The following CCSER2 variants were observed in gnomAD, a reference collection of about 807,000 sequenced individuals.
CCSER2 encodes coiled-coil serine rich protein 2.
CCSER2 carries 46 observed loss-of-function variants against 92.3 expected under a neutral mutation model. That is an observed-to-expected ratio of 0.50 (90% CI 0.39 to 0.64). The LOEUF is 0.64. Among genes scored for constraint, CCSER2 ranks in the 30% least tolerant of loss-of-function variants. CCSER2 has a pLI of 0.00. For missense variants in CCSER2, 1,244 were observed against 1,238.9 expected (o/e 1.00, Z -0.06); for synonymous variants, 433 against 431.4 (o/e 1.00, Z -0.04).
At position 84,514,377 on chromosome 10, in the gene CCSER2, C is replaced by T; in HGVS notation, c.*110C>T. On this transcript the variant is annotated 3_prime_UTR_variant, in exon 10 of 10. Transcript: ENST00000372088. Reference sequence around the variant, plus strand: ...TGGTGGAGGTTCCATTGAAAGCCTGCAAATCTTAAATTAAAATGTGGAAGC... The same window carrying T: ...TGGTGGAGGTTCCATTGAAAGCCTGTAAATCTTAAATTAAAATGTGGAAGC... 6 of 757,950 alleles carry T rather than the reference C, an allele frequency of 7.9e-6. No individual in the cohort carries two copies. In the South Asian group the frequency reaches 9.9e-5, roughly 12 times the overall value. The allele number at this position is 757,950 out of a possible 1,614,324, so 47.0% of individuals were successfully genotyped here.
chr10:84,367,390 T>C (rs954971223), intron 1 of CCSER2, among the ~76,000 whole-genome samples: 1 of 152,026 alleles, frequency 6.6e-6, no homozygotes, highest in African/African-American at 2.4e-5. Flanking sequence ...TACTTTTTTT[T>C]TTTTGAAACA....
At chr10:84,406,639 G>T (rs553044026) in intron 3 of CCSER2, among the ~76,000 whole-genome samples, 3 of 152,220 alleles carry the variant, frequency 2.0e-5, no homozygotes, top group Admixed American at 1.3e-4. Context: ...ACATATTTGG[G>T]TTTTCATTGT....
chr10:84,420,819 G>T (rs1489127503), intron 4 of CCSER2, among the ~76,000 whole-genome samples: 2 of 151,736 alleles, frequency 1.3e-5, no homozygotes, highest in Non-Finnish European at 2.9e-5. Context: ...TGTAGTCTCA[G>T]TTACTTGGGA....
chr10:84,395,749 T>C lies in CCSER2; in HGVS notation c.1614+21934T>C, dbSNP rs138537339. Among the ~76,000 whole-genome samples, 171 of 152,308 alleles carry C rather than the reference T, an allele frequency of 1.1e-3. 1 individual carries two copies. The highest frequency in any genetic ancestry group is 3.9e-3 in the African/African-American group (163 of 41,572). ...TAGCATGATAACATTAGACCAACCA[T>C]TGGGAAACCCAGATTTCAGCCGTAG... On this transcript the variant is annotated intron_variant, in intron 3 of 9. Coordinates refer to ENST00000372088, the MANE Select transcript of CCSER2 (RefSeq NM_001284240.2).
chr10:84,375,268 T>C (rs1019203995), intron 3 of CCSER2, among the ~76,000 whole-genome samples: 1 of 152,160 alleles, frequency 6.6e-6, no homozygotes, highest in African/African-American at 2.4e-5. Flanking sequence ...GTTTCCTCCT[T>C]GTTCAGTAGG....
intron 1 of CCSER2, among the ~76,000 whole-genome samples, chr10:84,339,890 G>A (rs1319699141): frequency 1.3e-5 from 2 of 151,816 alleles, no homozygotes; most frequent in Non-Finnish European, 1.5e-5. Context: ...CGCCCAGTCT[G>A]GAGTGCAAAG....
chr10:84,501,116 A>ATCTCCCACCACCTTGGTAACTCCTCCT (rs1031551296), intron 9 of CCSER2, among the ~76,000 whole-genome samples: 53 of 152,150 alleles, frequency 3.5e-4, no homozygotes, highest in East Asian at 2.3e-3. Context: ...CTCCTTTTCT[A>ATCTCCCACCACCTTGGTAACTCCTCCT]TCTCCCACCA....
At chr10:84,349,115 G>C (rs1239198509) in intron 1 of CCSER2, among the ~76,000 whole-genome samples, 1 of 151,940 alleles carries the variant, frequency 6.6e-6, no homozygotes, top group Non-Finnish European at 1.5e-5. Context: ...GCTTTTTAAA[G>C]AGCAAAGAAT....
chr10:84,375,289 T>C (rs1478570874), intron 3 of CCSER2, among the ~76,000 whole-genome samples: 1 of 152,168 alleles, frequency 6.6e-6, no homozygotes, highest in African/African-American at 2.4e-5. Context: ...TTTATGTCTA[T>C]TGGTATGGGA....
chr10:84,336,643 G>A (rs1368925886), intron 1 of CCSER2, among the ~76,000 whole-genome samples: 8 of 152,316 alleles, frequency 5.3e-5, no homozygotes, highest in African/African-American at 1.9e-4. Flanking sequence ...GAGGGGAAAT[G>A]ATTGGTAGAT....
intron 6 of CCSER2, among the ~76,000 whole-genome samples, chr10:84,442,201 G>A (rs1844612426): frequency 7.0e-6 from 1 of 142,588 alleles, no homozygotes; most frequent in Non-Finnish European, 1.5e-5. Context: ...AGTAAGAAAA[G>A]TTGAGATCTC....
chr10:84,495,111 A>G (rs530754276), intron 9 of CCSER2, among the ~76,000 whole-genome samples: 2 of 147,570 alleles, frequency 1.4e-5, no homozygotes, highest in South Asian at 4.3e-4. Flanking sequence ...TTTCCTACAT[A>G]TTATATATTT....
chr10:84,448,511 C>T (rs561647496), intron 6 of CCSER2, among the ~76,000 whole-genome samples: 5 of 152,182 alleles, frequency 3.3e-5, no homozygotes, highest in South Asian at 2.1e-4. Flanking sequence ...ACCTATTTTG[C>T]TCTGACTTAC....
intron 1 of CCSER2, among the ~76,000 whole-genome samples, chr10:84,359,192 A>G (rs1845363381): frequency 6.6e-6 from 1 of 152,118 alleles, no homozygotes; most frequent in African/African-American, 2.4e-5. Flanking sequence ...CCCTAGGATG[A>G]GTTAATTCAG....
At chr10:84,344,747 T>G (rs1844387610) in intron 1 of CCSER2, among the ~76,000 whole-genome samples, 1 of 151,918 alleles carries the variant, frequency 6.6e-6, no homozygotes, top group Non-Finnish European at 1.5e-5. Context: ...GATCTTGAGG[T>G]GGTTTGGTGT....
Position 84,464,025 on chromosome 10 carries a change from ATG to A in CCSER2, c.2148+11_2148+12del, listed in dbSNP as rs1422232701. The A allele has an allele frequency of 6.7e-7, 1 of 1,499,690 alleles. No homozygotes were observed. Among genetic ancestry groups the A allele is most frequent in the East Asian group, 2.3e-5 (1 of 43,762 alleles). The allele number at this position is 1,499,690 out of a possible 1,614,324, so 92.9% of individuals were successfully genotyped here. ...GTGATAAAGTATATAAGGTATGACT[ATG>A]TAGTCATGCTGGATTTTTCAAAATT... is the stretch of plus-strand genomic sequence containing the variant. On this transcript the variant is annotated intron_variant, in intron 7 of 9. Transcript: ENST00000372088.
chr10:84,499,995 C>G, intron 9 of CCSER2: 6 of 1,613,640 alleles, frequency 3.7e-6, no homozygotes, highest in Non-Finnish European at 5.1e-6. Context: ...CCTGCTCTGG[C>G]TTCCCCTTCA....
At chr10:84,414,964 G>C (rs915063618) in intron 3 of CCSER2, among the ~76,000 whole-genome samples, 3 of 152,006 alleles carry the variant, frequency 2.0e-5, no homozygotes, top group African/African-American at 7.3e-5. Flanking sequence ...GATTACATTG[G>C]GAAGTTCTCA....
chr10:84,429,940 TTG>T (rs988141091), intron 5 of CCSER2, among the ~76,000 whole-genome samples: 1 of 152,220 alleles, frequency 6.6e-6, no homozygotes, highest in African/African-American at 2.4e-5. Context: ...GGATTTGTTG[TTG>T]TGTTTTTTTG....
Sources: gnomAD v4.1 joint callset for allele counts (sites outside exome capture counted in the v4.1 genomes callset) on GRCh38, gnomAD v4.1.1 for gene constraint, MANE v1.5 for transcripts, NCBI Gene and HGNC (gene_info 2026-07-23, HGNC 2026-07-21) for gene names.